GPATCH8: variants seen among roughly 807,000 people sequenced by gnomAD.
GPATCH8 encodes the protein G patch domain-containing protein 8.
A neutral mutation model predicts 118.3 loss-of-function variants in GPATCH8; 18 were observed. The ratio of observed to expected loss-of-function variants is 0.15; its 90% CI spans 0.11 to 0.23. The LOEUF (loss-of-function observed/expected upper bound fraction) is 0.23, where lower values mean the gene tolerates loss of function less well. Ranked by LOEUF, GPATCH8 falls within the 10% of genes least tolerant of loss-of-function variation. The pLI, the probability that GPATCH8 is intolerant of heterozygous loss-of-function variation, is 1.00. For missense variants in GPATCH8, 1,631 were observed against 1,873.8 expected, an observed-to-expected ratio of 0.87 and a Z score of 2.39; for synonymous variants, 659 against 684.7, an observed-to-expected ratio of 0.96 and a Z score of 0.59.
intron 2 of GPATCH8, among the ~76,000 whole-genome samples, chr17:44,474,067 G>A (rs548643803): frequency 1.5e-4 from 23 of 152,132 alleles, no homozygotes; most frequent in Non-Finnish European, 2.6e-4. Flanking sequence ...ATAACTCACC[G>A]AAATCCTTAT....
chr17:44,396,173 A>G lies in GPATCH8; in HGVS notation c.*1395T>C. The G allele has an allele frequency of 2.2e-6, 1 of 454,514 alleles. No homozygotes were observed. The highest frequency in any genetic ancestry group is 1.6e-5 in the South Asian group (1 of 64,472). The allele number at this position is 454,514 out of a possible 1,614,324, so 28.2% of individuals were successfully genotyped here. On this transcript the variant is annotated 3_prime_UTR_variant, in exon 8 of 8. Transcript: ENST00000591680. ...AAAAAAAAAATTGTCAGAGGGGGCT[A>G]AGTACTAGGAAGGCAAATGGACTGA...
intron 5 of GPATCH8, among the ~76,000 whole-genome samples, chr17:44,427,592 G>A (rs997787499): frequency 6.6e-6 from 1 of 151,996 alleles, no homozygotes; most frequent in African/African-American, 2.4e-5. Flanking sequence ...AAAACTGGGT[G>A]GGCAGGCAGA....
In GPATCH8 at chr17:44,401,302, C is replaced by T. The variant is rs1567936871; in HGVS notation, c.775G>A (p.Gly259Ser). The T allele has an allele frequency of 1.1e-5, 17 of 1,609,934 alleles. No individual in the cohort carries two copies. The highest frequency in any genetic ancestry group is 1.4e-5 in the Non-Finnish European group (17 of 1,177,812). ...LGSEFSTDKG[G>S]PFTAVQITNT... ...GTGATTTGTACTGCAGTGAAAGGGC[C>T]TCCTTTATCTGTGGAGAATTCAGAT... Residue 259 changes from glycine (G) to serine (S), a missense_variant, in exon 8 of 8, where the codon GGC (glycine) becomes AGC (serine). Around this residue, in one of 8 missense-constraint regions of GPATCH8, gnomAD observed 405 missense variants for 462.7 expected, o/e 0.88. Coordinates refer to ENST00000591680, the MANE Select transcript of GPATCH8 (RefSeq NM_001002909.4).
At chr17:44,476,748 A>G (rs1312463678) in intron 1 of GPATCH8, among the ~76,000 whole-genome samples, 3 of 152,198 alleles carry the variant, frequency 2.0e-5, no homozygotes, top group African/African-American at 7.2e-5. Flanking sequence ...TGCAAAGGAG[A>G]TAAACATGCT....
chr17:44,398,609 C>A lies in GPATCH8; in HGVS notation c.3468G>T (p.Lys1156Asn). 6.5e-7 allele frequency: 1 copy of A among 1,548,206 alleles called. No individual in the cohort carries two copies. The highest frequency in any genetic ancestry group is 8.7e-7 in the Non-Finnish European group (1 of 1,151,124). ...PLIGKLPATR[K>N]PNKKCEESGL... is the part of the protein sequence containing the mutation. ...CAGACTCTTCACACTTCTTATTGGG[C>A]TTTCGGGTAGCTGGGAGCTTCCCTA... is the stretch of plus-strand genomic sequence containing the variant. The change falls in exon 8 of 8, where the codon AAG becomes AAT. Residue 1156 changes from lysine to asparagine, a missense_variant. This residue lies in a region of GPATCH8 where 922 missense variants were observed against 879.7 expected (regional missense o/e 1.05). Coordinates refer to ENST00000591680, the MANE Select transcript of GPATCH8 (RefSeq NM_001002909.4).
chr17:44,400,104 G>T lies in GPATCH8; in HGVS notation c.1973C>A (p.Thr658Lys), dbSNP rs2048957083. ...GGSHGSETED[T>K]GRSLPSKKER... is the part of the protein sequence containing the mutation. ...TTTCTTGCTGGGAAGGCTTCTCCCT[G>T]TGTCTTCTGTCTCAGACCCATGGCT... Residue 658 changes from threonine (T) to lysine (K), a missense_variant, in exon 8 of 8, where the codon ACA becomes AAA. Around this residue, in one of 8 missense-constraint regions of GPATCH8, gnomAD observed 922 missense variants for 879.7 expected, o/e 1.05. Coordinates refer to ENST00000591680, the MANE Select transcript of GPATCH8 (RefSeq NM_001002909.4). The T allele has an allele frequency of 1.9e-6, 3 of 1,613,844 alleles. No individual in the cohort carries two copies. The highest frequency in any genetic ancestry group is 1.7e-5 in the Admixed American group (1 of 60,008).
Position 44,398,518 on chromosome 17 carries a change from CATCACTACT to C in GPATCH8, c.3550_3558del (p.Ser1184_Asp1186del). 3 of 1,599,266 alleles carry C rather than the reference CATCACTACT, an allele frequency of 1.9e-6. No individual in the cohort carries two copies. The highest frequency in any genetic ancestry group is 2.6e-6 in the Non-Finnish European group (3 of 1,173,510). On this transcript the variant is annotated inframe_deletion, in exon 8 of 8. Transcript: ENST00000591680. Reference sequence around the variant, plus strand: ...GAAGGGAACTGATGCCCAAATAGGGCATCACTACTCCCTGGGGGCCCCTCTTCTGTCTCT... The same window carrying C: ...GAAGGGAACTGATGCCCAAATAGGGCCCCTGGGGGCCCCTCTTCTGTCTCT...
intron 1 of GPATCH8, among the ~76,000 whole-genome samples, chr17:44,491,090 A>G (rs961504014): frequency 1.3e-5 from 2 of 152,246 alleles, no homozygotes; most frequent in Admixed American, 6.5e-5. Flanking sequence ...TATTAGGACA[A>G]GTCAAAGATC....
chr17:44,412,747 G>C (rs1001463556), intron 6 of GPATCH8, among the ~76,000 whole-genome samples: 2 of 152,142 alleles, frequency 1.3e-5, no homozygotes, highest in African/African-American at 4.8e-5. Flanking sequence ...TTCTGGCTAA[G>C]CATAATCTGG....
At chr17:44,494,837 TTAAAA>T (rs1004989083) in intron 1 of GPATCH8, among the ~76,000 whole-genome samples, 47 of 152,356 alleles carry the variant, frequency 3.1e-4, no homozygotes, top group African/African-American at 1.1e-3. Context: ...GCTTACAGCA[TTAAAA>T]TAAAATTTAT....
Position 44,398,737 on chromosome 17 carries a change from C to T in GPATCH8, c.3340G>A (p.Ala1114Thr). 6.2e-7 allele frequency: 1 copy of T among 1,612,236 alleles called. No individual in the cohort carries two copies. The highest frequency in any genetic ancestry group is 8.5e-7 in the Non-Finnish European group (1 of 1,178,632). Residue 1114 changes from alanine (A) to threonine (T), a missense_variant, in exon 8 of 8, where the codon GCC becomes ACC. Ala to Thr is a moderately conservative substitution (Grantham distance 58). Transcript: ENST00000591680. ...RKPSVSEEVQ[A>T]TPNKAGPKLK... ...TTGGGCCCAGCTTTATTAGGGGTGG[C>T]CTGCACCTCCTCACTCACACTAGGT...
intron 6 of GPATCH8, 79 bp downstream of exon 6, chr17:44,424,270 T>TG: frequency 1.0e-6 from 1 of 963,232 alleles, no homozygotes; most frequent in South Asian, 1.3e-5. Context: ...CACCAAGTTT[T>TG]GGGGGGTATA....
intron 6 of GPATCH8, among the ~76,000 whole-genome samples, chr17:44,424,147 A>G (rs1598453472): frequency 6.6e-6 from 1 of 152,222 alleles, no homozygotes. Context: ...CAAATAGTGT[A>G]TATGTGGGAG....
chr17:44,468,298 T>C (rs1966968969), intron 2 of GPATCH8, among the ~76,000 whole-genome samples: 1 of 151,642 alleles, frequency 6.6e-6, no homozygotes, highest in Non-Finnish European at 1.5e-5. Context: ...CAACACCAAG[T>C]TGGCACAAGT....
chr17:44,412,425 C>T (rs539211664), intron 6 of GPATCH8, among the ~76,000 whole-genome samples: 265 of 151,920 alleles, frequency 1.7e-3, no homozygotes, highest in African/African-American at 6.1e-3. Flanking sequence ...CTCCCTCTGT[C>T]ACCCAGGCTG....
chr17:44,397,383 T>A lies in GPATCH8; in HGVS notation c.*185A>T. On this transcript the variant is annotated 3_prime_UTR_variant, in exon 8 of 8. Coordinates refer to ENST00000591680, the MANE Select transcript of GPATCH8 (RefSeq NM_001002909.4). ...TTGAGAGGAGGACAGGAAAAAGAAA[T>A]CCCTGATAGTAAACTGAAAGCAAAC... 1.4e-6 allele frequency: 1 copy of A among 697,316 alleles called. No homozygotes were observed. Among genetic ancestry groups the A allele is most frequent in the Non-Finnish European group, 2.6e-6 (1 of 382,834 alleles). 43.2% of individuals were successfully genotyped at this position (697,316 alleles called of 1,614,324 possible).
chr17:44,485,233 G>A (rs554533007), intron 1 of GPATCH8, among the ~76,000 whole-genome samples: 1 of 152,082 alleles, frequency 6.6e-6, no homozygotes, highest in South Asian at 2.1e-4. Flanking sequence ...CCCCCCAAGT[G>A]GCTGGGACTA....
intron 1 of GPATCH8, 75 bp downstream of exon 1, chr17:44,503,251 C>T: frequency 3.0e-6 from 4 of 1,312,246 alleles, no homozygotes; most frequent in Admixed American, 1.9e-5. Flanking sequence ...GGAAAGAGGG[C>T]TGGGAGCCGG....
intron 1 of GPATCH8, among the ~76,000 whole-genome samples, chr17:44,497,356 G>A (rs1312581016): frequency 2.6e-5 from 4 of 152,120 alleles, no homozygotes; most frequent in African/African-American, 9.7e-5. Flanking sequence ...TTGAGGGGCC[G>A]AGGTGGGAGG....
Sources: gnomAD v4.1 joint callset for allele counts (sites outside exome capture counted in the v4.1 genomes callset) on GRCh38, gnomAD v4.1.1 for gene constraint, gnomAD v4.1.1 regional missense constraint, MANE v1.5 for transcripts, NCBI Gene and HGNC (gene_info 2026-07-23, HGNC 2026-07-21) for gene names.